Variants in PDE10A observed in about 807,000 individuals in gnomAD.
PDE10A encodes cAMP and cAMP-inhibited cGMP 3',5'-cyclic phosphodiesterase 10A.
In PDE10A, 39 loss-of-function variants were observed where a neutral mutation model predicts 97.7. The observed-to-expected ratio is 0.40, with a 90% confidence interval of 0.31 to 0.52. The LOEUF is 0.52. PDE10A is among the 20% of genes least tolerant of loss of function. The probability of loss-of-function intolerance (pLI) is 0.56; values close to 1 mark genes in which losing one functional copy is unlikely to be tolerated. For missense variants in PDE10A, 731 were observed against 1,047.8 expected (o/e 0.70, Z 4.17); for synonymous variants, 371 against 376.8 (o/e 0.98, Z 0.18).
chr6:165,472,012 C>T (rs1353660667), intron 3 of PDE10A, among the ~76,000 whole-genome samples: 2 of 151,934 alleles, frequency 1.3e-5, no homozygotes, highest in Non-Finnish European at 2.9e-5. Flanking sequence ...GAGTTATTTT[C>T]CTAGCTTTAA....
chr6:165,390,905 T>C (rs772190129), intron 16 of PDE10A, among the ~76,000 whole-genome samples: 9 of 152,196 alleles, frequency 5.9e-5, no homozygotes, highest in Non-Finnish European at 1.3e-4. Flanking sequence ...TTAAGATAAC[T>C]GAATTAATTA....
chr6:165,843,648 C>T (rs1242222112), intron 1 of PDE10A, among the ~76,000 whole-genome samples: 1 of 152,172 alleles, frequency 6.6e-6, no homozygotes. Context: ...GCCTTCATCA[C>T]CCCGCCAAGG....
chr6:165,715,145 C>T (rs1251860127), intron 1 of PDE10A, among the ~76,000 whole-genome samples: 1 of 152,220 alleles, frequency 6.6e-6, no homozygotes, highest in African/African-American at 2.4e-5. Flanking sequence ...TGACCAGGTG[C>T]GGCCGGCGCT....
At chr6:165,745,359 T>C (rs1286615407) in intron 1 of PDE10A, among the ~76,000 whole-genome samples, 1 of 152,252 alleles carries the variant, frequency 6.6e-6, no homozygotes, top group East Asian at 1.9e-4. Flanking sequence ...TTTAGTTGTA[T>C]TGGTTTTCAT....
At chr6:165,865,740 GA>G (rs1781024730) in intron 1 of PDE10A, among the ~76,000 whole-genome samples, 2 of 92,870 alleles carry the variant, frequency 2.2e-5, no homozygotes, top group African/African-American at 4.1e-5. Context: ...ACTCAGACAA[GA>G]AAAAAAGGGA....
At chr6:165,588,127 TA>T (rs1786023915) in intron 1 of PDE10A, among the ~76,000 whole-genome samples, 2 of 152,270 alleles carry the variant, frequency 1.3e-5, no homozygotes, top group African/African-American at 4.8e-5. Flanking sequence ...ATGGTATGTA[TA>T]ACTATATGTC....
chr6:165,833,004 G>C (rs955115769), intron 1 of PDE10A, among the ~76,000 whole-genome samples: 27 of 152,186 alleles, frequency 1.8e-4, no homozygotes, highest in African/African-American at 6.3e-4. Context: ...GAGCTATTCT[G>C]AGCTGGAAAA....
intron 2 of PDE10A, among the ~76,000 whole-genome samples, chr6:165,497,625 G>C (rs1258647190): frequency 6.6e-6 from 1 of 152,012 alleles, no homozygotes; most frequent in African/African-American, 2.4e-5. Context: ...TTACTTCATA[G>C]AACTTAGTCA....
At chr6:165,510,857 G>A (rs1781468753) in intron 2 of PDE10A, among the ~76,000 whole-genome samples, 1 of 151,874 alleles carries the variant, frequency 6.6e-6, no homozygotes, top group Admixed American at 6.6e-5. Context: ...TATTTCTGTG[G>A]TATCAGTTGG....
intron 18 of PDE10A, among the ~76,000 whole-genome samples, chr6:165,350,202 A>C (rs1270391050): frequency 2.6e-5 from 4 of 152,194 alleles, no homozygotes; most frequent in Admixed American, 2.0e-4. Context: ...GGGTAACTGT[A>C]TCCTGTAGAG....
intron 1 of PDE10A, among the ~76,000 whole-genome samples, chr6:165,803,518 A>G (rs9347089): frequency 0.98 from 149,903 of 152,270 alleles, 73,828 homozygotes; most frequent in Middle Eastern, 1. Flanking sequence ...TCATGTCTAC[A>G]TCCCAGTATT....
chr6:165,858,273 A>C (rs752479788), intron 1 of PDE10A, among the ~76,000 whole-genome samples: 4 of 152,198 alleles, frequency 2.6e-5, no homozygotes, highest in Admixed American at 6.5e-5. Flanking sequence ...TGCCCCCTCC[A>C]GCTTTCCTCA....
At chr6:165,804,544 G>T (rs1779064681) in intron 1 of PDE10A, among the ~76,000 whole-genome samples, 2 of 152,158 alleles carry the variant, frequency 1.3e-5, no homozygotes, top group South Asian at 4.1e-4. Flanking sequence ...ACGAGGCCAG[G>T]AAGAAGAGGT....
chr6:165,543,686 G>C, intron 1 of PDE10A, 118 bp from the exon 2 acceptor site: 1 of 736,758 alleles, frequency 1.4e-6, no homozygotes, highest in East Asian at 3.0e-5. Flanking sequence ...ACGGAGAGAG[G>C]GCTGGAAAGA....
At chr6:165,407,210 C>T (rs919481706) in intron 13 of PDE10A, among the ~76,000 whole-genome samples, 3 of 152,038 alleles carry the variant, frequency 2.0e-5, no homozygotes, top group African/African-American at 4.8e-5. Flanking sequence ...AAAAACACTT[C>T]GTAGTAATTG....
At chr6:165,721,519 C>T (rs774616608) in intron 1 of PDE10A, among the ~76,000 whole-genome samples, 5 of 152,202 alleles carry the variant, frequency 3.3e-5, no homozygotes, top group African/African-American at 7.2e-5. Context: ...GTGCCACTTA[C>T]AGACCGTGAG....
chr6:165,950,873 A>G (rs1449782734), intron 1 of PDE10A, among the ~76,000 whole-genome samples: 1 of 152,232 alleles, frequency 6.6e-6, no homozygotes, highest in Non-Finnish European at 1.5e-5. Context: ...AAAGTAATGT[A>G]AAACTGGGGT....
chr6:165,500,694 A>C (rs1780818266), intron 2 of PDE10A, among the ~76,000 whole-genome samples: 2 of 152,128 alleles, frequency 1.3e-5, no homozygotes, highest in Non-Finnish European at 2.9e-5. Flanking sequence ...TGAGGAAGAT[A>C]AATGAAAGAG....
intron 1 of PDE10A, among the ~76,000 whole-genome samples, chr6:165,891,186 G>A (rs1781782793): frequency 6.6e-6 from 1 of 152,136 alleles, no homozygotes; most frequent in African/African-American, 2.4e-5. Context: ...CCAAACATCT[G>A]GAAAGTAGCT....
Sources: allele counts gnomAD v4.1 joint callset (sites outside exome capture counted in the v4.1 genomes callset), GRCh38; gene constraint gnomAD v4.1.1; transcripts MANE v1.5; gene names NCBI Gene and HGNC (gene_info 2026-07-23, HGNC 2026-07-21).